Variants in ADAMTS14 observed in about 807,000 individuals in gnomAD.
ADAMTS14 encodes A disintegrin and metalloproteinase with thrombospondin motifs 14.
In ADAMTS14, 100 loss-of-function variants were observed where a neutral mutation model predicts 128.6. The observed-to-expected ratio is 0.78, with a 90% CI of 0.66 to 0.92. The LOEUF (loss-of-function observed/expected upper bound fraction) is 0.92, where lower values mean the gene tolerates loss of function less well. Among genes scored for constraint, ADAMTS14 ranks in the 40% least tolerant of loss-of-function variants. The pLI, the probability that ADAMTS14 is intolerant of heterozygous loss-of-function variation, is 0.00. For synonymous variants in ADAMTS14, 665 were observed against 653.8 expected, an observed-to-expected ratio of 1.02 and a Z score of -0.26; for missense variants, 1,562 against 1,658.6, an observed-to-expected ratio of 0.94 and a Z score of 1.01.
At chr10:70,719,367 TACACACACACACACACACACACACACAC>T (rs61607600) in intron 4 of ADAMTS14, among the ~76,000 whole-genome samples, 8 of 142,220 alleles carry the variant, frequency 5.6e-5, no homozygotes, top group African/African-American at 8.0e-5. Flanking sequence ...ACTCCACAAA[TACACACACACACACACACACACACACAC>T]ACACACACAC....
rs995762950 is a variant in ADAMTS14 at position 70,746,289 on chromosome 10, G to A, written c.2263+983G>A. 2.6e-5 allele frequency among the ~76,000 whole-genome samples: 4 copies of A among 152,094 alleles called. No individual in the cohort carries two copies. The East Asian group carries it at 7.7e-4, about 29-fold the overall frequency. ...AATAAGTTAATAAATTTAAATTAAGGCCATTAATATAATATGAGTGATGTT... is the reference window on the plus strand; with the variant it reads ...AATAAGTTAATAAATTTAAATTAAGACCATTAATATAATATGAGTGATGTT... On this transcript the variant is annotated intron_variant, in intron 15 of 21. Coordinates refer to ENST00000373207, the MANE Select transcript of ADAMTS14 (RefSeq NM_080722.4).
At position 70,741,152 on chromosome 10, in the gene ADAMTS14, G is replaced by A. The variant is rs1841986596; in HGVS notation, c.1914G>A (p.Glu638=). The A allele has an allele frequency of 1.2e-6, 2 of 1,612,784 alleles. No homozygotes were observed. The highest frequency in any genetic ancestry group is 1.7e-5 in the Admixed American group (1 of 60,004). ...QNAKHSWVPY[E]PDDDAQKCEL... The stretch of plus-strand genomic sequence containing the variant: ...CCAAGCACAGCTGGGTGCCCTACGA[G>A]CCTGACGATGGTGAGTGGGCCCCAC... The change falls in exon 12 of 22, where the codon GAG becomes GAA. Residue 638 remains glutamate, a synonymous_variant. Transcript: ENST00000373207.
At position 70,707,528 on chromosome 10, in the gene ADAMTS14, G is replaced by A. The variant is rs111321211; in HGVS notation, c.680-1060G>A. ...AGTCTCCATGCACCCTCACTCCACC[G>A]CCCCAGCAGAGTGTATTCTATCTTC... On this transcript the variant is annotated intron_variant, in intron 3 of 21. Transcript: ENST00000373207. 2.1e-3 allele frequency among the ~76,000 whole-genome samples: 326 copies of A among 152,188 alleles called. 3 individuals carry two copies. The highest frequency in any genetic ancestry group is 0.013 in the Admixed American group (203 of 15,284).
At chr10:70,709,960 C>CA (rs1840793914) in intron 4 of ADAMTS14, among the ~76,000 whole-genome samples, 2 of 152,122 alleles carry the variant, frequency 1.3e-5, no homozygotes, top group South Asian at 4.2e-4. Context: ...TGGCCTTTGT[C>CA]AGGGTGCCTG....
At chr10:70,711,701 G>A (rs1473804111) in intron 4 of ADAMTS14, among the ~76,000 whole-genome samples, 1 of 152,208 alleles carries the variant, frequency 6.6e-6, no homozygotes, top group East Asian at 1.9e-4. Flanking sequence ...GTTCCCTGAG[G>A]GGAGGGGCTT....
At chr10:70,745,362 T>C in intron 15 of ADAMTS14, 56 bp downstream of exon 15, 1 of 1,585,690 alleles carries the variant, frequency 6.3e-7, no homozygotes, top group Non-Finnish European at 8.6e-7. Context: ...GCCCTCTGAC[T>C]TGGGGGAGCT....
intron 9 of ADAMTS14, among the ~76,000 whole-genome samples, chr10:70,735,647 G>A (rs1349492114): frequency 1.3e-5 from 2 of 152,192 alleles, no homozygotes; most frequent in East Asian, 1.9e-4. Context: ...CACCCTCCGG[G>A]GATGTGCCAA....
At chr10:70,741,943 CA>C (rs1161197671) in intron 12 of ADAMTS14, among the ~76,000 whole-genome samples, 2 of 152,194 alleles carry the variant, frequency 1.3e-5, no homozygotes, top group Non-Finnish European at 2.9e-5. Flanking sequence ...ATGGGTCCTC[CA>C]TGGACAGATG....
chr10:70,682,886 G>A (rs1839853867), intron 2 of ADAMTS14, among the ~76,000 whole-genome samples: 1 of 152,224 alleles, frequency 6.6e-6, no homozygotes, highest in Admixed American at 6.5e-5. Context: ...GTTCCCAGAG[G>A]TGCAGGGCAG....
intron 3 of ADAMTS14, among the ~76,000 whole-genome samples, chr10:70,706,929 C>T (rs750056705): frequency 8.5e-5 from 13 of 152,186 alleles, no homozygotes; most frequent in African/African-American, 2.4e-4. Flanking sequence ...CACGTGTGGA[C>T]GGGGTCTGCA....
At chr10:70,728,958 G>A (rs1589307088) in intron 4 of ADAMTS14, among the ~76,000 whole-genome samples, 1 of 152,222 alleles carries the variant, frequency 6.6e-6, no homozygotes, top group African/African-American at 2.4e-5. Flanking sequence ...TGACCTGTCT[G>A]GAAGAGGCTC....
chr10:70,706,544 G>A (rs1025201368), intron 3 of ADAMTS14, among the ~76,000 whole-genome samples: 7 of 152,186 alleles, frequency 4.6e-5, no homozygotes, highest in East Asian at 3.9e-4. Context: ...GGGCTGCTGC[G>A]CTTGCCATTG....
chr10:70,743,280 G>A (rs1842063165), intron 12 of ADAMTS14, among the ~76,000 whole-genome samples: 1 of 152,176 alleles, frequency 6.6e-6, no homozygotes, highest in South Asian at 2.1e-4. Context: ...TTTATCACTT[G>A]ATTTTTCTCA....
chr10:70,746,359 C>T (rs900214944), intron 15 of ADAMTS14, among the ~76,000 whole-genome samples: 3 of 152,182 alleles, frequency 2.0e-5, no homozygotes, highest in African/African-American at 7.2e-5. Context: ...AAAAAATGGA[C>T]ATGTCCAGAG....
intron 2 of ADAMTS14, among the ~76,000 whole-genome samples, chr10:70,675,201 C>T (rs559195064): frequency 6.6e-6 from 1 of 152,316 alleles, no homozygotes; most frequent in Non-Finnish European, 1.5e-5. Flanking sequence ...ATGTTCACCC[C>T]TCGCCTTCCA....
At chr10:70,730,481 A>C (rs1205816769) in intron 6 of ADAMTS14, among the ~76,000 whole-genome samples, 3 of 152,138 alleles carry the variant, frequency 2.0e-5, no homozygotes, top group Non-Finnish European at 4.4e-5. Context: ...GGCAGCTGTG[A>C]GTGGTCAGGC....
At chr10:70,715,426 C>A (rs1318396683) in intron 4 of ADAMTS14, among the ~76,000 whole-genome samples, 2 of 152,066 alleles carry the variant, frequency 1.3e-5, no homozygotes, top group Non-Finnish European at 2.9e-5. Context: ...GGTTTCTGGG[C>A]ACTGTGTGCC....
chr10:70,718,450 C>T (rs573825424), intron 4 of ADAMTS14, among the ~76,000 whole-genome samples: 47 of 151,920 alleles, frequency 3.1e-4, no homozygotes, highest in Non-Finnish European at 6.0e-4. Flanking sequence ...TGCAGTGGTG[C>T]GATCTCGGCT....
chr10:70,735,059 C>T (rs781563981), intron 8 of ADAMTS14, 110 bp from the exon 9 acceptor site: 108 of 1,389,698 alleles, frequency 7.8e-5, no homozygotes, highest in South Asian at 6.0e-4. Flanking sequence ...AACAGAATAG[C>T]GGGTGCAAAT....
Sources: gnomAD v4.1 joint callset for allele counts (sites outside exome capture counted in the v4.1 genomes callset) on GRCh38, gnomAD v4.1.1 for gene constraint, MANE v1.5 for transcripts, NCBI Gene and HGNC (gene_info 2026-07-23, HGNC 2026-07-21) for gene names.